CD1B: variants seen among roughly 807,000 people sequenced by gnomAD.
CD1B encodes the protein T-cell surface glycoprotein CD1b.
A neutral mutation model predicts 39.8 loss-of-function variants in CD1B; 43 were observed. The ratio of observed to expected loss-of-function variants is 1.08; its 90% CI spans 0.85 to 1.39. The LOEUF is 1.39. CD1B is among the 40% of genes most tolerant of loss of function. The pLI is 0.00. For synonymous variants in CD1B, 192 were observed against 152.5 expected (o/e 1.26, Z -1.91); for missense variants, 495 against 403.8 (o/e 1.23, Z -1.94).
intron 2 of CD1B, 137 bp downstream of exon 2, chr1:158,330,659 A>G: frequency 1.2e-6 from 1 of 848,548 alleles, no homozygotes; most frequent in Non-Finnish European, 2.1e-6. Context: ...GGAGTGAGAG[A>G]CTACTCAAGA....
At chr1:158,317,795 C>T in the CD1B span, among the ~76,000 whole-genome samples, 1 of 152,150 alleles carries the variant, frequency 6.6e-6, no homozygotes, top group African/African-American at 2.4e-5. Context: ...CTCTTGTGGG[C>T]ATTTAGTGCT....
chr1:158,293,300 C>G, the CD1B span: 1 of 1,613,150 alleles, frequency 6.2e-7, no homozygotes, highest in Non-Finnish European at 8.5e-7. Flanking sequence ...TTAAGAAGCA[C>G]TGGTGAGTTT....
the CD1B span, among the ~76,000 whole-genome samples, chr1:158,301,367 A>T: frequency 8.5e-5 from 13 of 152,106 alleles, no homozygotes; most frequent in Admixed American, 7.9e-4. Context: ...TAGTTTATGC[A>T]GTTTCTTCAT....
chr1:158,321,940 C>CAG, the CD1B span, among the ~76,000 whole-genome samples: 1 of 152,020 alleles, frequency 6.6e-6, no homozygotes, highest in East Asian at 1.9e-4. Context: ...ACTCAGGCCC[C>CAG]AGTGTGTGTT....
At chr1:158,311,927 T>G in the CD1B span, among the ~76,000 whole-genome samples, 3 of 152,200 alleles carry the variant, frequency 2.0e-5, no homozygotes, top group Non-Finnish European at 4.4e-5. Flanking sequence ...AATCAGGTAG[T>G]GTGATTTCTA....
chr1:158,305,508 C>T, the CD1B span, among the ~76,000 whole-genome samples: 1 of 152,214 alleles, frequency 6.6e-6, no homozygotes, highest in Admixed American at 6.5e-5. Context: ...AAACACTCTG[C>T]AGGATATTAT....
At chr1:158,308,697 C>T in the CD1B span, among the ~76,000 whole-genome samples, 1 of 152,180 alleles carries the variant, frequency 6.6e-6, no homozygotes, top group Non-Finnish European at 1.5e-5. Flanking sequence ...ACCATCTGAT[C>T]TTTGACAAAG....
the CD1B span, among the ~76,000 whole-genome samples, chr1:158,317,537 A>T: frequency 6.6e-6 from 1 of 151,650 alleles, no homozygotes; most frequent in Non-Finnish European, 1.5e-5. Flanking sequence ...TATTGTGTCT[A>T]TTTGATTCTT....
At chr1:158,308,757 C>T in the CD1B span, among the ~76,000 whole-genome samples, 213 of 152,264 alleles carry the variant, frequency 1.4e-3, 6 homozygotes, top group South Asian at 0.042. Flanking sequence ...ATAAATGGTG[C>T]TGGGAAAACT....
At chr1:158,307,253 C>T in the CD1B span, among the ~76,000 whole-genome samples, 3 of 152,068 alleles carry the variant, frequency 2.0e-5, no homozygotes, top group Admixed American at 6.6e-5. Flanking sequence ...GGGGATATCA[C>T]CACTGATCCC....
At chr1:158,328,527 G>A (rs3176844) in intron 5 of CD1B, among the ~76,000 whole-genome samples, 6,959 of 152,166 alleles carry the variant, frequency 0.046, 540 homozygotes, top group African/African-American at 0.16. Context: ...ACTTATATAA[G>A]GTACCTAGAA....
the CD1B span, among the ~76,000 whole-genome samples, chr1:158,314,220 A>G: frequency 0.55 from 83,306 of 151,866 alleles, 26,169 homozygotes; most frequent in African/African-American, 0.85. Context: ...TAGTGGCTGG[A>G]ATTACAGGGG....
chr1:158,307,215 T>G, the CD1B span, among the ~76,000 whole-genome samples: 804 of 151,980 alleles, frequency 5.3e-3, 8 homozygotes, highest in African/African-American at 0.018. Flanking sequence ...GAGAGCAGAA[T>G]CAAATAGACG....
At chr1:158,312,059 C>CAA in the CD1B span, among the ~76,000 whole-genome samples, 1 of 152,152 alleles carries the variant, frequency 6.6e-6, no homozygotes, top group Admixed American at 6.6e-5. Flanking sequence ...ATAGAGATTA[C>CAA]ATTGAATCTG....
chr1:158,290,465 A>G, the CD1B span, among the ~76,000 whole-genome samples: 2 of 152,172 alleles, frequency 1.3e-5, no homozygotes, highest in African/African-American at 4.8e-5. Flanking sequence ...GCAACCTTTC[A>G]ATGCCACGCA....
chr1:158,314,625 T>A, the CD1B span, among the ~76,000 whole-genome samples: 1 of 152,098 alleles, frequency 6.6e-6, no homozygotes. Context: ...TTTGCTGTAT[T>A]CCATAGGTTT....
the CD1B span, among the ~76,000 whole-genome samples, chr1:158,318,203 A>G: frequency 9.0e-3 from 1,363 of 152,228 alleles, 9 homozygotes; most frequent in Non-Finnish European, 0.013. Flanking sequence ...GCTGAGTTCA[A>G]TTCCTGGGTA....
chr1:158,323,482 T>C (rs1652255408), downstream of CD1B, among the ~76,000 whole-genome samples: 1 of 152,160 alleles, frequency 6.6e-6, no homozygotes, highest in Non-Finnish European at 1.5e-5. Flanking sequence ...CACTTTAGGG[T>C]TTGTCACTGG....
chr1:158,292,550 T>G, the CD1B span: 4 of 1,591,396 alleles, frequency 2.5e-6, no homozygotes, highest in Admixed American at 1.7e-5. Flanking sequence ...TGGATGTAAG[T>G]TGTGTGTAAG....
Sources: gnomAD v4.1 joint callset for allele counts (sites outside exome capture counted in the v4.1 genomes callset) on GRCh38, gnomAD v4.1.1 for gene constraint, MANE v1.5 for transcripts, NCBI Gene and HGNC (gene_info 2026-07-23, HGNC 2026-07-21) for gene names.